MTFR2: variants seen among roughly 807,000 people sequenced by gnomAD.
MTFR2 encodes DUF729 domain-containing protein 1.
A neutral mutation model predicts 41.2 loss-of-function variants in MTFR2; 44 were observed. That is an observed-to-expected ratio of 1.07 (90% CI 0.84 to 1.37). MTFR2 has a LOEUF of 1.37. Among genes scored for constraint, MTFR2 ranks in the 40% most tolerant of loss-of-function variants. The pLI, the probability that MTFR2 is intolerant of heterozygous loss-of-function variation, is 0.00. For missense variants in MTFR2, 452 were observed against 459.5 expected (o/e 0.98, Z 0.15); for synonymous variants, 141 against 154.6 (o/e 0.91, Z 0.65).
rs780407583 is a variant in MTFR2, at chr6:136,244,769, A to T, written c.164T>A (p.Phe55Tyr). ...LPLEPCRRPN[F>Y]ELIPLLNSVD... Reference sequence around the variant, plus strand: ...AATTTATGTTGACTGACTTACCTCAAAATTAGGTCTTCGACAAGGTTCCAG... The same window carrying T: ...AATTTATGTTGACTGACTTACCTCATAATTAGGTCTTCGACAAGGTTCCAG... Residue 55 changes from phenylalanine to tyrosine, a missense_variant, in exon 3 of 8, where the codon TTT becomes TAT. Transcript: ENST00000420702. The T allele has an allele frequency of 6.8e-6, 11 of 1,608,124 alleles. No homozygotes were observed. The Admixed American group carries it at 1.7e-4, about 24-fold the overall frequency.
intron 6 of MTFR2, among the ~76,000 whole-genome samples, chr6:136,236,444 C>A (rs1161793854): frequency 1.3e-5 from 2 of 152,158 alleles, no homozygotes; most frequent in African/African-American, 4.8e-5. Flanking sequence ...ACGTACAAAA[C>A]AAAGTTAGCT....
intron 6 of MTFR2, among the ~76,000 whole-genome samples, chr6:136,234,152 C>A (rs1779842603): frequency 6.6e-6 from 1 of 151,434 alleles, no homozygotes; most frequent in Admixed American, 6.6e-5. Context: ...GGTAACATAG[C>A]GAGACCCCAT....
Position 136,233,503 on chromosome 6 carries a change from T to C in MTFR2, c.870-4A>G. ...AATGGGTCTACCGCCAGGTGACCTA[T>C]TTTTTAAAAAAAAAAATTGAATTTA... On this transcript the variant is annotated splice_polypyrimidine_tract_variant and splice_region_variant and intron_variant, in intron 6 of 7. Transcript: ENST00000420702. 1 of 1,470,594 alleles carries C rather than the reference T, an allele frequency of 6.8e-7. No individual in the cohort carries two copies. Among genetic ancestry groups the C allele is most frequent in the South Asian group, 1.5e-5 (1 of 67,772 alleles). 91.1% of individuals were successfully genotyped at this position (1,470,594 alleles called of 1,614,324 possible). A position where few individuals can be genotyped will look rare whatever the true frequency, so the allele number is the denominator to read the frequency against.
intron 5 of MTFR2, 103 bp from the exon 6 acceptor site, chr6:136,239,923 G>T: frequency 1.1e-6 from 1 of 873,882 alleles, no homozygotes; most frequent in Non-Finnish European, 1.7e-6. Flanking sequence ...TTTCTGTAAT[G>T]CTAGTAGCGA....
chr6:136,242,963 A>G lies in MTFR2; in HGVS notation c.179T>C (p.Leu60Pro), dbSNP rs1245632838. 3 of 1,601,478 alleles carry G rather than the reference A, an allele frequency of 1.9e-6. No individual in the cohort carries two copies. The highest frequency in any genetic ancestry group is 3.5e-5 in the Admixed American group (2 of 57,070). Residue 60 changes from leucine to proline, a missense_variant, in exon 4 of 8, where the codon CTC becomes CCC. Leu to Pro is a moderately conservative substitution (Grantham distance 98, BLOSUM62 -3). Transcript: ENST00000420702. ...CRRPNFELIP[L>P]LNSVDSDNCG... ...ATTATCAGAGTCTACAGAGTTCAAG[A>G]GCGGGATCAACTAAAGTAAAAAAAG...
chr6:136,241,762 CAA>C, intron 4 of MTFR2, 86 bp from the exon 5 acceptor site: 1 of 999,920 alleles, frequency 1.0e-6, no homozygotes, highest in Non-Finnish European at 1.5e-6. Flanking sequence ...ACGTGAAAAT[CAA>C]AAGACAATAA....
intron 6 of MTFR2, among the ~76,000 whole-genome samples, chr6:136,236,108 A>G (rs1056566780): frequency 6.6e-6 from 1 of 152,234 alleles, no homozygotes; most frequent in African/African-American, 2.4e-5. Flanking sequence ...ATAGACAGAA[A>G]CAAATTATAG....
Position 136,239,581 on chromosome 6 carries a change from C to A in MTFR2, c.754G>T (p.Ala252Ser), listed in dbSNP as rs1441284986. The change falls in exon 6 of 8, where the codon GCT becomes TCT. Residue 252 changes from alanine (A) to serine (S), a missense_variant. Transcript: ENST00000420702. ...TGACTATAATTGGTCTTATTAGCAG[C>A]CGGGTTCTGTTTGCTCATTTCAGTT... is the stretch of plus-strand genomic sequence containing the variant. The part of the protein sequence containing the change: ...PATEMSKQNP[A>S]ANKTNYSHHS... 2 of 1,613,920 alleles carry A rather than the reference C, an allele frequency of 1.2e-6. No homozygotes were observed. Among genetic ancestry groups the A allele is most frequent in the Non-Finnish European group, 1.7e-6 (2 of 1,179,994 alleles).
chr6:136,237,267 A>G (rs1271339690), intron 6 of MTFR2, among the ~76,000 whole-genome samples: 1 of 152,242 alleles, frequency 6.6e-6, no homozygotes, highest in African/African-American at 2.4e-5. Flanking sequence ...CACCTCACAC[A>G]AAGAACATGC....
In MTFR2 at chr6:136,239,595, C is replaced by T. The variant is rs374988588; in HGVS notation, c.740G>A (p.Ser247Asn). 1.2e-6 allele frequency: 2 copies of T among 1,614,062 alleles called. No individual in the cohort carries two copies. The change falls in exon 6 of 8, where the codon AGC becomes AAC. Residue 247 changes from serine (S) to asparagine (N), a missense_variant. Transcript: ENST00000420702. ...CDSDNPATEM[S>N]KQNPAANKTN... ...CTTATTAGCAGCCGGGTTCTGTTTG[C>T]TCATTTCAGTTGCTGGATTATCTGA...
chr6:136,245,357 C>T (rs1333567982), intron 2 of MTFR2, among the ~76,000 whole-genome samples: 1 of 152,116 alleles, frequency 6.6e-6, no homozygotes, highest in Non-Finnish European at 1.5e-5. Context: ...CTAGACAATT[C>T]AGAGTTATTT....
At position 136,239,695 on chromosome 6, in the gene MTFR2, G is replaced by A. The variant is rs779338802; in HGVS notation, c.640C>T (p.Leu214Phe). ...TGGAGAGATGAAAACTGAGGAGGAA[G>A]TGGTGGAGGAGGAGGAGGAGAAAGC... ...SVLSPPPPPPLPPQFSSLQPP... is the reference protein window; with the variant it reads ...SVLSPPPPPPFPPQFSSLQPP... Residue 214 changes from leucine (L) to phenylalanine (F), a missense_variant, in exon 6 of 8, where the codon CTT becomes TTT. Transcript: ENST00000420702. 1 of 1,614,064 alleles carries A rather than the reference G, an allele frequency of 6.2e-7. No individual in the cohort carries two copies. Among genetic ancestry groups the A allele is most frequent in the Non-Finnish European group, 8.5e-7 (1 of 1,180,012 alleles).
chr6:136,236,698 T>G (rs1779915214), intron 6 of MTFR2, among the ~76,000 whole-genome samples: 1 of 152,170 alleles, frequency 6.6e-6, no homozygotes, highest in East Asian at 1.9e-4. Flanking sequence ...AGGATTTCAC[T>G]TAAAATGAGC....
chr6:136,239,058 A>G (rs570380765), intron 6 of MTFR2, among the ~76,000 whole-genome samples: 1 of 152,342 alleles, frequency 6.6e-6, no homozygotes, highest in South Asian at 2.1e-4. Flanking sequence ...ACAATATGAG[A>G]AATGGCTTAC....
At chr6:136,236,409 A>G (rs1006327802) in intron 6 of MTFR2, among the ~76,000 whole-genome samples, 2 of 152,222 alleles carry the variant, frequency 1.3e-5, no homozygotes, top group Non-Finnish European at 2.9e-5. Flanking sequence ...TAAAGAGGTG[A>G]GAGAGCTCAT....
At chr6:136,239,942 C>G in intron 5 of MTFR2, 122 bp from the exon 6 acceptor site, 1 of 732,932 alleles carries the variant, frequency 1.4e-6, no homozygotes, top group South Asian at 2.2e-5. Context: ...GATATGGTAG[C>G]AAGGAAAGAG....
At chr6:136,249,314 G>A (rs545992165) in intron 1 of MTFR2, among the ~76,000 whole-genome samples, 161 bp from the exon 2 acceptor site, 1 of 152,306 alleles carries the variant, frequency 6.6e-6, no homozygotes, top group Non-Finnish European at 1.5e-5. Flanking sequence ...AAGTCTGGGG[G>A]AAAGAGAGGG....
rs374049733 is a variant in MTFR2, at chr6:136,235,730, G to A, written c.870-2231C>T. ...GGTCGGATCATGCGGTCAAGAGATC[G>A]AGACCATCCTGGCCAATACGGTGAA... On this transcript the variant is annotated intron_variant, in intron 6 of 7. Coordinates refer to ENST00000420702, the MANE Select transcript of MTFR2 (RefSeq NM_001099286.3). 2.6e-4 allele frequency among the ~76,000 whole-genome samples: 40 copies of A among 152,204 alleles called. No individual in the cohort carries two copies. In the East Asian group the frequency reaches 6.6e-3, roughly 25 times the overall value.
Position 136,249,021 on chromosome 6 carries a change from C to A in MTFR2, c.63+16G>T. ...ACAAATACAACAGATCCATTCCAAT[C>A]CAAAACGACATTTACCTGTTCTACA... On this transcript the variant is annotated intron_variant, in intron 2 of 7. Transcript: ENST00000420702. The A allele has an allele frequency of 6.3e-7, 1 of 1,596,320 alleles. No homozygotes were observed. The highest frequency in any genetic ancestry group is 8.5e-7 in the Non-Finnish European group (1 of 1,173,244).
Sources: gnomAD v4.1 joint callset for allele counts (sites outside exome capture counted in the v4.1 genomes callset) on GRCh38, gnomAD v4.1.1 for gene constraint, MANE v1.5 for transcripts, NCBI Gene and HGNC (gene_info 2026-07-23, HGNC 2026-07-21) for gene names.